CHM: variants seen among roughly 807,000 people sequenced by gnomAD.
The protein encoded by CHM is CHM Rab escort protein.
In CHM, 10 loss-of-function variants were observed where a neutral mutation model predicts 49.0. The ratio of observed to expected loss-of-function variants is 0.20; its 90% CI spans 0.13 to 0.35. The LOEUF is 0.35. Among genes scored for constraint, CHM ranks in the 10% least tolerant of loss-of-function variants. The pLI, the probability that CHM is intolerant of heterozygous loss-of-function variation, is 1.00. For synonymous variants in CHM, 184 were observed against 167.5 expected (o/e 1.10, Z -0.76); for missense variants, 455 against 478.4 (o/e 0.95, Z 0.46).
chrX:85,934,069 C>G (rs1470975876), intron 8 of CHM, among the ~76,000 whole-genome samples: 2 of 108,571 alleles, frequency 1.8e-5, no homozygotes, highest in African/African-American at 6.7e-5. Context: ...CAACCTCCGC[C>G]TCCTGGGTTC....
intron 14 of CHM, among the ~76,000 whole-genome samples, chrX:85,866,477 G>C (rs1923705077): frequency 8.9e-6 from 1 of 112,951 alleles, no homozygotes; most frequent in Admixed American, 9.3e-5. Flanking sequence ...ACCTCTGCTA[G>C]GGCAGTGCTG....
At chrX:85,950,631 A>C (rs1929695778) in intron 8 of CHM, among the ~76,000 whole-genome samples, 1 of 111,654 alleles carries the variant, frequency 9.0e-6, no homozygotes, top group African/African-American at 3.3e-5. Context: ...AGGAAGAAAA[A>C]ACAATACTTA....
At chrX:85,996,021 C>T (rs1050571211) in intron 2 of CHM, among the ~76,000 whole-genome samples, 13 of 111,880 alleles carry the variant, frequency 1.2e-4, no homozygotes, top group Non-Finnish European at 1.9e-4. Flanking sequence ...TTCTCCTATC[C>T]CTTTATGGTA....
intron 8 of CHM, among the ~76,000 whole-genome samples, chrX:85,945,601 A>G (rs1270304451): frequency 9.5e-6 from 1 of 105,816 alleles, no homozygotes; most frequent in African/African-American, 3.5e-5. Context: ...CTGTAAGCCA[A>G]TTAAACCTCT....
At chrX:86,035,127 A>C (rs187228647) in intron 1 of CHM, among the ~76,000 whole-genome samples, 367 of 112,341 alleles carry the variant, frequency 3.3e-3, no homozygotes, top group Non-Finnish European at 5.4e-3. Context: ...TCCTGAAAAC[A>C]AAGAAGAGAG....
intron 8 of CHM, among the ~76,000 whole-genome samples, chrX:85,923,260 T>C (rs778796058): frequency 1.1e-3 from 120 of 112,651 alleles, no homozygotes; most frequent in African/African-American, 3.7e-3. Context: ...GGTTAATACA[T>C]GTAAAGTGCT....
chrX:86,034,695 G>A (rs1214829610), intron 1 of CHM, among the ~76,000 whole-genome samples: 5 of 111,513 alleles, frequency 4.5e-5, no homozygotes, highest in Admixed American at 1.9e-4. Flanking sequence ...CAGGAGGATC[G>A]CTTGAACCTG....
chrX:86,024,645 A>G (rs773078003), intron 2 of CHM, among the ~76,000 whole-genome samples: 3 of 112,232 alleles, frequency 2.7e-5, no homozygotes, highest in Non-Finnish European at 5.6e-5. Context: ...TGACAGTGGC[A>G]TAAAGAAAAA....
At chrX:86,009,162 T>C (rs1346681696) in intron 2 of CHM, among the ~76,000 whole-genome samples, 1 of 112,102 alleles carries the variant, frequency 8.9e-6, no homozygotes, top group African/African-American at 3.2e-5. Context: ...TATGACAAGA[T>C]GATGCCAGGA....
chrX:85,930,846 T>C (rs1928386002), intron 8 of CHM, among the ~76,000 whole-genome samples: 1 of 112,107 alleles, frequency 8.9e-6, no homozygotes, highest in Non-Finnish European at 1.9e-5. Context: ...ATTTCTTCCT[T>C]TGCCAATAAA....
At chrX:85,879,093 G>T in intron 12 of CHM, 30 bp from the exon 13 acceptor site, 1 of 995,283 alleles carries the variant, frequency 1.0e-6, no homozygotes, top group Non-Finnish European at 1.4e-6. Flanking sequence ...TGAGTTCCTT[G>T]TCATCACAAA....
intron 2 of CHM, among the ~76,000 whole-genome samples, chrX:86,018,264 C>A (rs1044128442): frequency 3.6e-5 from 4 of 111,775 alleles, no homozygotes; most frequent in African/African-American, 1.3e-4. Context: ...ATACAGATGG[C>A]AAATAACCAC....
chrX:85,912,284 T>C (rs1170169114), intron 8 of CHM, among the ~76,000 whole-genome samples: 1 of 111,298 alleles, frequency 9.0e-6, no homozygotes, highest in Non-Finnish European at 1.9e-5. Flanking sequence ...TGGCTAAAGC[T>C]TTCTGGTGGA....
chrX:85,875,690 G>A (rs879069082), intron 13 of CHM, among the ~76,000 whole-genome samples: 2 of 111,378 alleles, frequency 1.8e-5, no homozygotes, highest in Admixed American at 1.9e-4. Flanking sequence ...TAACACACTA[G>A]CTATGGACTT....
chrX:86,036,393 T>C (rs773730879), intron 1 of CHM, among the ~76,000 whole-genome samples: 26 of 111,659 alleles, frequency 2.3e-4, no homozygotes, highest in African/African-American at 8.5e-4. Context: ...CTGAGATTAA[T>C]GGAAAGGAAA....
At chrX:85,899,735 T>C (rs1603244060) in intron 11 of CHM, among the ~76,000 whole-genome samples, 1 of 88,760 alleles carries the variant, frequency 1.1e-5, no homozygotes, top group South Asian at 6.6e-4. Flanking sequence ...CCAAGCATTT[T>C]GGAGAAGGGA....
At chrX:85,967,663 C>T (rs984138434) in intron 4 of CHM, among the ~76,000 whole-genome samples, 1 of 112,110 alleles carries the variant, frequency 8.9e-6, no homozygotes, top group Non-Finnish European at 1.9e-5. Context: ...ATTGATTTCA[C>T]AAATTAAATT....
At chrX:85,939,155 G>A (rs191911619) in intron 8 of CHM, among the ~76,000 whole-genome samples, 1 of 111,884 alleles carries the variant, frequency 8.9e-6, no homozygotes, top group Non-Finnish European at 1.9e-5. Context: ...GTATCATCTA[G>A]GTTTGTGTAA....
intron 1 of CHM, among the ~76,000 whole-genome samples, chrX:86,041,411 C>T (rs1294348674): frequency 9.0e-6 from 1 of 110,697 alleles, no homozygotes; most frequent in African/African-American, 3.3e-5. Flanking sequence ...GCAAAATCTG[C>T]AGGCTATCTT....
Sources: gnomAD v4.1 joint callset for allele counts (sites outside exome capture counted in the v4.1 genomes callset) on GRCh38, gnomAD v4.1.1 for gene constraint, MANE v1.5 for transcripts, NCBI Gene and HGNC (gene_info 2026-07-23, HGNC 2026-07-21) for gene names.